PRKG1: variants seen among roughly 807,000 people sequenced by gnomAD.
PRKG1 encodes the protein cGMP-dependent protein kinase 1.
In PRKG1, 35 loss-of-function variants were observed where a neutral mutation model predicts 88.1. That is an observed-to-expected ratio of 0.40 (90% CI 0.30 to 0.53). PRKG1 has a LOEUF of 0.53. Among genes scored for constraint, PRKG1 ranks in the 20% least tolerant of loss-of-function variants. PRKG1 has a pLI of 0.59. For missense variants in PRKG1, 540 were observed against 839.8 expected, an observed-to-expected ratio of 0.64 and a Z score of 4.41; for synonymous variants, 303 against 292.5, an observed-to-expected ratio of 1.04 and a Z score of -0.37.
At chr10:51,143,742 T>G (rs1046106797) in intron 1 of PRKG1, among the ~76,000 whole-genome samples, 1 of 152,118 alleles carries the variant, frequency 6.6e-6, no homozygotes, top group Non-Finnish European at 1.5e-5. Flanking sequence ...ATTTTTTATG[T>G]ACTCATTGGC....
intron 2 of PRKG1, among the ~76,000 whole-genome samples, chr10:51,263,983 G>A (rs1839779247): frequency 6.6e-6 from 1 of 152,162 alleles, no homozygotes; most frequent in Non-Finnish European, 1.5e-5. Context: ...ACTGAACATT[G>A]ATATGGAAAT....
chr10:52,285,691 A>G (rs1230697436), intron 14 of PRKG1, among the ~76,000 whole-genome samples: 2 of 152,130 alleles, frequency 1.3e-5, no homozygotes, highest in Non-Finnish European at 2.9e-5. Flanking sequence ...ACTCTTATCT[A>G]TAATTTCTTT....
At chr10:51,150,840 C>T (rs1846053717) in intron 1 of PRKG1, among the ~76,000 whole-genome samples, 1 of 152,008 alleles carries the variant, frequency 6.6e-6, no homozygotes, top group African/African-American at 2.4e-5. Context: ...TGTTAGGGCT[C>T]ATTGTTTAAT....
chr10:52,206,587 G>C (rs1039685724), intron 9 of PRKG1, among the ~76,000 whole-genome samples: 8 of 152,144 alleles, frequency 5.3e-5, no homozygotes, highest in Non-Finnish European at 1.0e-4. Flanking sequence ...GGGGTGTTTT[G>C]CTTTTATATT....
chr10:51,704,444 A>C lies in PRKG1; in HGVS notation c.593-100141A>C, dbSNP rs547880858. ...CTGTGGCATTGAATAACGTGCCTCA[A>C]ATCAAAGACAAGACATGCTGCCAGG... On this transcript the variant is annotated intron_variant, in intron 3 of 17. Transcript: ENST00000373980. Among the ~76,000 whole-genome samples the C allele has an allele frequency of 1.1e-3, 165 of 152,336 alleles. 1 individual carries two copies. The highest frequency in any genetic ancestry group is 1.9e-3 in the Non-Finnish European group (132 of 68,022).
At chr10:51,578,160 C>T (rs1404246788) in intron 3 of PRKG1, among the ~76,000 whole-genome samples, 1 of 152,054 alleles carries the variant, frequency 6.6e-6, no homozygotes, top group Non-Finnish European at 1.5e-5. Flanking sequence ...CTAACAATTT[C>T]ATGATAAGTC....
At chr10:51,014,509 G>A (rs1479922155) in intron 1 of PRKG1, among the ~76,000 whole-genome samples, 1 of 152,072 alleles carries the variant, frequency 6.6e-6, no homozygotes, top group Non-Finnish European at 1.5e-5. Context: ...GGCTTTTGCA[G>A]GGAAAAATTA....
intron 3 of PRKG1, among the ~76,000 whole-genome samples, chr10:51,714,456 A>G (rs1347924569): frequency 6.6e-6 from 1 of 152,184 alleles, no homozygotes; most frequent in African/African-American, 2.4e-5. Context: ...TATGACAACG[A>G]AAATAGTAGA....
At chr10:51,895,265 A>T (rs998133621) in intron 4 of PRKG1, among the ~76,000 whole-genome samples, 1 of 152,182 alleles carries the variant, frequency 6.6e-6, no homozygotes, top group African/African-American at 2.4e-5. Context: ...AGTGAAGATG[A>T]CAAAAGGCTC....
rs148541248 is a variant in PRKG1, at chr10:51,456,527, T to C, written c.479-11196T>C. ...AGGAAAAAAAAACACTTTTAGATAT[T>C]GGCTTAGGCAAAGAATTCATGACAA... On this transcript the variant is annotated intron_variant, in intron 2 of 17. Transcript: ENST00000373980. 4.3e-3 allele frequency among the ~76,000 whole-genome samples: 648 copies of C among 152,184 alleles called. 3 individuals carry two copies. Among genetic ancestry groups the C allele is most frequent in the Non-Finnish European group, 5.3e-3 (361 of 67,980 alleles).
intron 12 of PRKG1, among the ~76,000 whole-genome samples, chr10:52,274,711 TG>T (rs984505791): frequency 6.6e-6 from 1 of 152,082 alleles, no homozygotes; most frequent in African/African-American, 2.4e-5. Flanking sequence ...TCTTTTCATC[TG>T]GGTCAAATGG....
intron 7 of PRKG1, among the ~76,000 whole-genome samples, chr10:52,119,205 C>T (rs1847758609): frequency 6.6e-6 from 1 of 152,050 alleles, no homozygotes. Context: ...TGAATCATCT[C>T]AAGAGCATTG....
At chr10:51,072,232 G>C (rs1843842899), upstream of PRKG1, among the ~76,000 whole-genome samples, 1 of 151,732 alleles carries the variant, frequency 6.6e-6, no homozygotes, top group Non-Finnish European at 1.5e-5. Flanking sequence ...AAAAAACAAA[G>C]AGAAAATCCT....
At chr10:51,281,575 C>A (rs891390015) in intron 2 of PRKG1, among the ~76,000 whole-genome samples, 1 of 152,128 alleles carries the variant, frequency 6.6e-6, no homozygotes, top group African/African-American at 2.4e-5. Flanking sequence ...CTGGGTGGAG[C>A]CCACTGCAGC....
intron 1 of PRKG1, among the ~76,000 whole-genome samples, chr10:51,033,464 G>A (rs1843313397): frequency 6.6e-6 from 1 of 152,164 alleles, no homozygotes; most frequent in South Asian, 2.1e-4. Context: ...TATAGGACAT[G>A]TACCCTTTCC....
chr10:51,419,004 A>C (rs1175045076), intron 2 of PRKG1, among the ~76,000 whole-genome samples: 1 of 152,162 alleles, frequency 6.6e-6, no homozygotes, highest in African/African-American at 2.4e-5. Context: ...TGTCTTACGT[A>C]GTTATTTCTG....
At chr10:51,709,309 T>C (rs1841685187) in intron 3 of PRKG1, among the ~76,000 whole-genome samples, 1 of 152,222 alleles carries the variant, frequency 6.6e-6, no homozygotes, top group Admixed American at 6.5e-5. Flanking sequence ...ATCCTTCATA[T>C]AAAAATATTG....
At chr10:51,019,359 A>C (rs527972177) in intron 1 of PRKG1, among the ~76,000 whole-genome samples, 10 of 152,280 alleles carry the variant, frequency 6.6e-5, no homozygotes, top group Non-Finnish European at 1.5e-4. Context: ...TGATCAGTTG[A>C]CTTTTGACAA....
intron 10 of PRKG1, among the ~76,000 whole-genome samples, chr10:52,270,110 G>A (rs4935033): frequency 0.027 from 4,083 of 152,128 alleles, 292 homozygotes; most frequent in East Asian, 0.24. Context: ...GGAAAATTCT[G>A]CAAGGTTAAA....
Sources: allele counts gnomAD v4.1 joint callset (sites outside exome capture counted in the v4.1 genomes callset), GRCh38; gene constraint gnomAD v4.1.1; transcripts MANE v1.5; gene names NCBI Gene and HGNC (gene_info 2026-07-23, HGNC 2026-07-21).